The following DYNC1I1 variants were observed in gnomAD, a reference collection of about 807,000 sequenced individuals.
DYNC1I1 encodes dynein cytoplasmic 1 intermediate chain 1, also known as cytoplasmic dynein 1 intermediate chain 1.
In DYNC1I1, 43 loss-of-function variants were observed where a neutral mutation model predicts 86.6. The ratio of observed to expected loss-of-function variants is 0.50; its 90% CI spans 0.39 to 0.64. The LOEUF (loss-of-function observed/expected upper bound fraction) is 0.64, where lower values mean the gene tolerates loss of function less well. Ranked by LOEUF, DYNC1I1 falls within the 30% of genes least tolerant of loss-of-function variation. DYNC1I1 has a pLI of 0.00. For synonymous variants in DYNC1I1, 262 were observed against 283.7 expected, an observed-to-expected ratio of 0.92 and a Z score of 0.77; for missense variants, 604 against 788.8, an observed-to-expected ratio of 0.77 and a Z score of 2.81.
rs577655432 is a variant in DYNC1I1 at position 95,936,248 on chromosome 7, T to C, written c.491-41264T>C. On this transcript the variant is annotated intron_variant, in intron 6 of 16. Transcript: ENST00000447467. ...ATAAGAGTTCAATTATATACATGGC[T>C]GATATGCTGGGAAGGACAGGAAAAT... is the stretch of plus-strand genomic sequence containing the variant. 3.3e-5 allele frequency among the ~76,000 whole-genome samples: 5 copies of C among 152,172 alleles called. No homozygotes were observed. The East Asian group carries it at 9.6e-4, about 29-fold the overall frequency.
At chr7:95,893,197 G>A (rs1790789847) in intron 6 of DYNC1I1, among the ~76,000 whole-genome samples, 1 of 152,152 alleles carries the variant, frequency 6.6e-6, no homozygotes, top group South Asian at 2.1e-4. Context: ...CATCCTGAAG[G>A]GCTGTGATGT....
At chr7:96,074,473 C>G (rs1440479056) in intron 14 of DYNC1I1, among the ~76,000 whole-genome samples, 2 of 150,558 alleles carry the variant, frequency 1.3e-5, no homozygotes, top group Non-Finnish European at 2.9e-5. Context: ...ATGGCGTGAA[C>G]CCGGGAGGCG....
At chr7:95,965,977 G>A (rs537459215) in intron 6 of DYNC1I1, among the ~76,000 whole-genome samples, 1 of 152,200 alleles carries the variant, frequency 6.6e-6, no homozygotes, top group South Asian at 2.1e-4. Flanking sequence ...CATGTTCCAT[G>A]TGGTGAGCCA....
At chr7:95,871,999 G>A (rs1790183787) in intron 6 of DYNC1I1, among the ~76,000 whole-genome samples, 1 of 152,234 alleles carries the variant, frequency 6.6e-6, no homozygotes. Flanking sequence ...TTTGGGTTCA[G>A]CAAACTGCCC....
chr7:96,083,660 G>C (rs969461659), intron 16 of DYNC1I1, among the ~76,000 whole-genome samples: 5 of 152,172 alleles, frequency 3.3e-5, no homozygotes, highest in Non-Finnish European at 5.9e-5. Flanking sequence ...TGGAATTAGA[G>C]GTCTGATCTA....
At chr7:95,855,789 G>A (rs945146399) in intron 5 of DYNC1I1, among the ~76,000 whole-genome samples, 15 of 152,084 alleles carry the variant, frequency 9.9e-5, no homozygotes, top group Admixed American at 5.2e-4. Flanking sequence ...TAAAAATATG[G>A]TATAAAAGAT....
At chr7:95,950,144 A>G (rs1477265122) in intron 6 of DYNC1I1, among the ~76,000 whole-genome samples, 1 of 152,224 alleles carries the variant, frequency 6.6e-6, no homozygotes, top group African/African-American at 2.4e-5. Context: ...GAAGTGTCCC[A>G]TAAAAGAAAT....
intron 6 of DYNC1I1, among the ~76,000 whole-genome samples, chr7:95,924,297 T>C (rs77264149): frequency 6.6e-6 from 1 of 152,300 alleles, no homozygotes; most frequent in African/African-American, 2.4e-5. Context: ...ACTAGACATA[T>C]GGTGCTACTG....
chr7:96,041,580 A>G (rs1163427567), intron 14 of DYNC1I1, among the ~76,000 whole-genome samples: 1 of 152,216 alleles, frequency 6.6e-6, no homozygotes, highest in African/African-American at 2.4e-5. Context: ...CTCTATCAGT[A>G]CAGTGCTGTG....
intron 16 of DYNC1I1, among the ~76,000 whole-genome samples, chr7:96,095,980 G>A (rs1264265603): frequency 6.6e-6 from 1 of 152,042 alleles, no homozygotes; most frequent in African/African-American, 2.4e-5. Flanking sequence ...AATTATAGTA[G>A]CATTTAACCA....
chr7:95,820,315 C>G (rs540619629), intron 4 of DYNC1I1, among the ~76,000 whole-genome samples: 1 of 152,314 alleles, frequency 6.6e-6, no homozygotes, highest in Admixed American at 6.5e-5. Context: ...TAATTAACAT[C>G]ACTTTAATGA....
chr7:96,028,423 GA>G, intron 11 of DYNC1I1, 102 bp downstream of exon 11: 7 of 1,430,046 alleles, frequency 4.9e-6, no homozygotes, highest in Non-Finnish European at 5.6e-6. Flanking sequence ...GCCAAGTTAG[GA>G]GGATCTACTT....
intron 6 of DYNC1I1, among the ~76,000 whole-genome samples, chr7:95,910,468 T>A (rs1479401228): frequency 3.3e-5 from 5 of 152,158 alleles, no homozygotes; most frequent in Admixed American, 1.3e-4. Flanking sequence ...TGGACACTTA[T>A]CCCTGGAAGT....
At chr7:95,875,238 A>G (rs1417348976) in intron 6 of DYNC1I1, among the ~76,000 whole-genome samples, 4 of 152,198 alleles carry the variant, frequency 2.6e-5, no homozygotes, top group Admixed American at 6.5e-5. Context: ...GGCCAAGAAT[A>G]TATATTGGAA....
At chr7:96,011,629 G>T (rs1426183155) in intron 10 of DYNC1I1, among the ~76,000 whole-genome samples, 1 of 152,108 alleles carries the variant, frequency 6.6e-6, no homozygotes, top group Non-Finnish European at 1.5e-5. Flanking sequence ...TGTGAATTTT[G>T]TCATTGATAT....
intron 12 of DYNC1I1, 57 bp downstream of exon 12, chr7:96,032,837 A>G: frequency 1.4e-6 from 2 of 1,437,446 alleles, no homozygotes; most frequent in Admixed American, 1.7e-5. Context: ...ATACCTACTT[A>G]ATGGAACATA....
intron 13 of DYNC1I1, 80 bp downstream of exon 13, chr7:96,035,832 TGCATTATGAGAAA>T (rs1324978932): frequency 1.9e-6 from 3 of 1,575,572 alleles, no homozygotes; most frequent in Admixed American, 2.0e-5. Flanking sequence ...TTAACCACCT[TGCATTATGAGAAA>T]GCATCTCTGG....
At chr7:95,873,144 G>C (rs1790217596) in intron 6 of DYNC1I1, among the ~76,000 whole-genome samples, 1 of 152,158 alleles carries the variant, frequency 6.6e-6, no homozygotes, top group African/African-American at 2.4e-5. Context: ...TAGTCACCTG[G>C]TATCTTGTGG....
chr7:95,946,690 A>G (rs1000809819), intron 6 of DYNC1I1, among the ~76,000 whole-genome samples: 2 of 152,214 alleles, frequency 1.3e-5, no homozygotes, highest in Non-Finnish European at 2.9e-5. Context: ...CATGCATTGA[A>G]CAAATATCTA....
Sources: gnomAD v4.1 joint callset for allele counts (sites outside exome capture counted in the v4.1 genomes callset) on GRCh38, gnomAD v4.1.1 for gene constraint, MANE v1.5 for transcripts, NCBI Gene and HGNC (gene_info 2026-07-23, HGNC 2026-07-21) for gene names.